The following GLG1 variants were observed in gnomAD, a reference collection of about 807,000 sequenced individuals.
GLG1 encodes the protein Golgi apparatus protein 1.
In GLG1, 38 loss-of-function variants were observed where a neutral mutation model predicts 160.5. The ratio of observed to expected loss-of-function variants is 0.24; its 90% confidence interval spans 0.18 to 0.31. The LOEUF is 0.31. Ranked by LOEUF, GLG1 falls within the 10% of genes least tolerant of loss-of-function variation. The pLI is 1.00. For synonymous variants in GLG1, 644 were observed against 543.4 expected (o/e 1.19, Z -2.57); for missense variants, 1,373 against 1,505.2 (o/e 0.91, Z 1.45).
intron 1 of GLG1, among the ~76,000 whole-genome samples, chr16:74,537,331 A>G (rs989182276): frequency 3.9e-5 from 6 of 152,186 alleles, no homozygotes; most frequent in Admixed American, 3.9e-4. Context: ...AATAAAGAAC[A>G]TGATGAGTGT....
intron 3 of GLG1, among the ~76,000 whole-genome samples, chr16:74,508,595 C>T (rs1157941125): frequency 6.6e-6 from 1 of 152,152 alleles, no homozygotes; most frequent in Non-Finnish European, 1.5e-5. Flanking sequence ...AGCACTTTTA[C>T]TTGCTGTTTT....
At chr16:74,576,416 T>C (rs537009436) in intron 1 of GLG1, among the ~76,000 whole-genome samples, 3 of 152,204 alleles carry the variant, frequency 2.0e-5, no homozygotes, top group Non-Finnish European at 4.4e-5. Flanking sequence ...GAGTTGCATG[T>C]ACATTATATA....
At chr16:74,605,776 T>C (rs1277713675) in intron 1 of GLG1, among the ~76,000 whole-genome samples, 1 of 152,206 alleles carries the variant, frequency 6.6e-6, no homozygotes, top group Non-Finnish European at 1.5e-5. Flanking sequence ...AGTGGTAGCT[T>C]CATTCTATTT....
Position 74,448,868 on chromosome 16 carries a change from C to A in GLG1, c.*4299G>T, listed in dbSNP as rs1437191176. The A allele has an allele frequency of 2.6e-5, 4 of 151,992 alleles. No individual in the cohort carries two copies. The highest frequency in any genetic ancestry group is 9.7e-5 in the African/African-American group (4 of 41,374). 9.4% of individuals were successfully genotyped at this position (151,992 alleles called of 1,614,324 possible). ...CCACTTTGCGGCCACTTTGGAAGGC[C>A]GAAGTGGGCACATCATGAGGTCAGG... On this transcript the variant is annotated 3_prime_UTR_variant, in exon 26 of 26. Coordinates refer to ENST00000422840, the MANE Select transcript of GLG1 (RefSeq NM_001145667.2).
intron 1 of GLG1, among the ~76,000 whole-genome samples, chr16:74,597,128 A>G (rs1161339460): frequency 6.6e-6 from 1 of 150,498 alleles, no homozygotes; most frequent in African/African-American, 2.4e-5. Context: ...CAAACAAACA[A>G]AAAAAAAACC....
At chr16:74,538,798 A>G (rs1274352652) in intron 1 of GLG1, among the ~76,000 whole-genome samples, 1 of 149,506 alleles carries the variant, frequency 6.7e-6, no homozygotes, top group Non-Finnish European at 1.5e-5. Context: ...ATATCTAATC[A>G]TCATACAAGG....
chr16:74,533,048 C>G (rs1489088947), intron 1 of GLG1, among the ~76,000 whole-genome samples: 1 of 152,190 alleles, frequency 6.6e-6, no homozygotes, highest in Admixed American at 6.5e-5. Flanking sequence ...AGGCAGGGCA[C>G]GGTGGCTCAC....
chr16:74,524,069 TG>T (rs2017257146), intron 2 of GLG1, among the ~76,000 whole-genome samples: 1 of 152,124 alleles, frequency 6.6e-6, no homozygotes, highest in Non-Finnish European at 1.5e-5. Flanking sequence ...AAAAACTAGC[TG>T]GGTGTGGTAT....
intron 1 of GLG1, among the ~76,000 whole-genome samples, chr16:74,580,058 G>A (rs891150674): frequency 8.5e-5 from 13 of 152,212 alleles, no homozygotes; most frequent in East Asian, 1.9e-4. Flanking sequence ...GTGAGACTCC[G>A]TCTCAAAAAA....
At chr16:74,486,999 C>A (rs914660772) in intron 8 of GLG1, among the ~76,000 whole-genome samples, 1 of 151,422 alleles carries the variant, frequency 6.6e-6, no homozygotes, top group Non-Finnish European at 1.5e-5. Context: ...CTGCAACCTC[C>A]ACTTCCCGGG....
intron 4 of GLG1, among the ~76,000 whole-genome samples, chr16:74,501,662 A>C (rs1345462932): frequency 6.6e-6 from 1 of 152,208 alleles, no homozygotes; most frequent in Non-Finnish European, 1.5e-5. Context: ...ACTCATCACG[A>C]GGGTGAAAAA....
Position 74,494,798 on chromosome 16 carries a change from G to T in GLG1, c.1012C>A (p.Leu338Ile). The change falls in exon 6 of 26, where the codon CTC (leucine) becomes ATC (isoleucine). Residue 338 changes from leucine to isoleucine, a missense_variant. Coordinates refer to ENST00000422840, the MANE Select transcript of GLG1 (RefSeq NM_001145667.2). ...QAGEGRVYKCLFNHKFEESMS... is the reference protein window; with the variant it reads ...QAGEGRVYKCIFNHKFEESMS... The stretch of plus-strand genomic sequence containing the variant: ...GATTCTTCAAATTTATGGTTAAAGA[G>T]GCACTTATACACTCTGCCCTCACCA... The T allele has an allele frequency of 6.6e-7, 1 of 1,505,662 alleles. No individual in the cohort carries two copies. Among genetic ancestry groups the T allele is most frequent in the Non-Finnish European group, 9.2e-7 (1 of 1,081,534 alleles). The allele number at this position is 1,505,662 out of a possible 1,614,324, so 93.3% of individuals were successfully genotyped here.
rs542773915 is a variant in GLG1, at chr16:74,467,609, T to C, written c.2529+147A>G. 4.4e-5 allele frequency: 25 copies of C among 566,988 alleles called. 1 individual carries two copies. The South Asian group carries it at 5.1e-4, about 12-fold the overall frequency. 35.1% of individuals were successfully genotyped at this position (566,988 alleles called of 1,614,324 possible). On this transcript the variant is annotated intron_variant, in intron 18 of 25. Transcript: ENST00000422840. ...CAGCCTGATGTAGTTTAAGAAGGGA[T>C]TAGGTTGGAAGGGATGAGATGGGTC...
intron 16 of GLG1, 132 bp from the exon 17 acceptor site, chr16:74,469,195 A>C: frequency 3.1e-6 from 2 of 651,758 alleles, no homozygotes; most frequent in Non-Finnish European, 5.6e-6. Flanking sequence ...TGTAAGGCTC[A>C]CTGTATTTTT....
At chr16:74,599,602 C>T (rs549618408) in intron 1 of GLG1, among the ~76,000 whole-genome samples, 6 of 152,266 alleles carry the variant, frequency 3.9e-5, no homozygotes, top group Middle Eastern at 3.4e-3. Context: ...CAGTGGCTCA[C>T]GCCTGTCATC....
intron 1 of GLG1, among the ~76,000 whole-genome samples, chr16:74,555,871 G>T (rs1237276949): frequency 6.9e-6 from 1 of 144,458 alleles, no homozygotes; most frequent in African/African-American, 2.6e-5. Flanking sequence ...TCTTGGTCTC[G>T]CTGTATCACC....
Position 74,451,285 on chromosome 16 carries a change from A to C in GLG1, c.*1882T>G, listed in dbSNP as rs1318509920. ...CTGTTGACAATCAGGAAGACCCTAC[A>C]AGCAGGACCGAGGGGACTAAGCAGC... On this transcript the variant is annotated 3_prime_UTR_variant, in exon 26 of 26. Transcript: ENST00000422840. 6.6e-6 allele frequency: 1 copy of C among 152,186 alleles called. No homozygotes were observed. Among genetic ancestry groups the C allele is most frequent in the African/African-American group, 2.4e-5 (1 of 41,422 alleles). The allele number at this position is 152,186 out of a possible 1,614,324, so 9.4% of individuals were successfully genotyped here.
chr16:74,542,716 G>GGGAGGGAGGGAGGAA (rs1567513828), intron 1 of GLG1, among the ~76,000 whole-genome samples: 1 of 29,784 alleles, frequency 3.4e-5, no homozygotes, highest in African/African-American at 1.3e-4. Context: ...AAGGGAAGAA[G>GGGAGGGAGGGAGGAA]GGAAGGAAGG....
intron 17 of GLG1, 33 bp downstream of exon 17, chr16:74,468,913 T>C (rs757352428): frequency 7.6e-7 from 1 of 1,315,282 alleles, no homozygotes; most frequent in East Asian, 2.3e-5. Context: ...TGGCCCACTG[T>C]GGTTTCTGGG....
Sources: gnomAD v4.1 joint callset for allele counts (sites outside exome capture counted in the v4.1 genomes callset) on GRCh38, gnomAD v4.1.1 for gene constraint, MANE v1.5 for transcripts, NCBI Gene and HGNC (gene_info 2026-07-23, HGNC 2026-07-21) for gene names.